Variants in SLC23A2 observed in about 807,000 individuals in gnomAD.
The protein encoded by SLC23A2 is Na(+)/L-ascorbic acid transporter 2.
SLC23A2 carries 36 observed loss-of-function variants against 73.3 expected under a neutral mutation model. The observed-to-expected ratio is 0.49, with a 90% CI of 0.38 to 0.65. The LOEUF is 0.65. Among genes scored for constraint, SLC23A2 ranks in the 30% least tolerant of loss-of-function variants. The pLI is 0.00. For missense variants in SLC23A2, 507 were observed against 841.6 expected (o/e 0.60, Z 4.92); for synonymous variants, 343 against 327.3 (o/e 1.05, Z -0.52).
rs371564157 is a variant in SLC23A2 at position 4,856,945 on chromosome 20, C to G, written c.*27G>C. 6.8e-7 allele frequency: 1 copy of G among 1,463,200 alleles called. No homozygotes were observed. Among genetic ancestry groups the G allele is most frequent in the Non-Finnish European group, 9.5e-7 (1 of 1,048,028 alleles). The allele number at this position is 1,463,200 out of a possible 1,614,324, so 90.6% of individuals were successfully genotyped here. ...GGAACTACAGATACATGCCTCACTGCGGCCAGGCCACAGGGCACAGCAAAG... is the reference window on the plus strand; with the variant it reads ...GGAACTACAGATACATGCCTCACTGGGGCCAGGCCACAGGGCACAGCAAAG... On this transcript the variant is annotated 3_prime_UTR_variant, in exon 17 of 17. Transcript: ENST00000338244. The surrounding 1 kb of genome is among the most constrained non-coding windows in gnomAD (Gnocchi z 4.6).
intron 1 of SLC23A2, among the ~76,000 whole-genome samples, chr20:4,974,089 T>A (rs2087607070): frequency 6.6e-6 from 1 of 152,170 alleles, no homozygotes; most frequent in African/African-American, 2.4e-5. Flanking sequence ...GCCAGTATCA[T>A]AACAGGCCAG....
At chr20:4,881,314 C>G (rs1930874083) in intron 9 of SLC23A2, among the ~76,000 whole-genome samples, 1 of 152,124 alleles carries the variant, frequency 6.6e-6, no homozygotes, top group African/African-American at 2.4e-5. Flanking sequence ...TTCCATGGAA[C>G]TATCCACCAT....
intron 2 of SLC23A2, among the ~76,000 whole-genome samples, chr20:4,937,550 G>C (rs2086979089): frequency 6.6e-6 from 1 of 152,064 alleles, no homozygotes; most frequent in South Asian, 2.1e-4. Context: ...AGTTATTTCT[G>C]GCCAGTAAGC....
chr20:4,904,017 C>T (rs1280816253), intron 4 of SLC23A2, among the ~76,000 whole-genome samples: 2 of 152,080 alleles, frequency 1.3e-5, no homozygotes, highest in Non-Finnish European at 2.9e-5. Flanking sequence ...TTTTTAGGCC[C>T]AGTGCAGTGG....
At chr20:4,923,710 CTATT>C (rs2122922214) in intron 3 of SLC23A2, among the ~76,000 whole-genome samples, 1 of 152,298 alleles carries the variant, frequency 6.6e-6, no homozygotes, top group Non-Finnish European at 1.5e-5. Flanking sequence ...TCCAAACTCT[CTATT>C]TAGGGATGTA....
intron 1 of SLC23A2, among the ~76,000 whole-genome samples, chr20:4,977,388 TA>T (rs2087659189): frequency 6.6e-6 from 1 of 152,028 alleles, no homozygotes; most frequent in Admixed American, 6.6e-5. Context: ...TATTTTTTTT[TA>T]ATAAAGACAA....
intron 9 of SLC23A2, among the ~76,000 whole-genome samples, chr20:4,875,666 G>A (rs370497502): frequency 6.6e-6 from 1 of 152,130 alleles, no homozygotes; most frequent in African/African-American, 2.4e-5. Flanking sequence ...CCATGACATC[G>A]GTCTGGTGTC....
At chr20:4,859,464 G>A in intron 15 of SLC23A2, 80 bp from the exon 16 acceptor site, 2 of 883,016 alleles carry the variant, frequency 2.3e-6, no homozygotes, top group Non-Finnish European at 3.9e-6. Flanking sequence ...GGGCAATGGT[G>A]TGGGCAGAAC....
chr20:4,957,224 G>A (rs1421538122), intron 2 of SLC23A2, among the ~76,000 whole-genome samples: 2 of 152,058 alleles, frequency 1.3e-5, no homozygotes, highest in Non-Finnish European at 2.9e-5. Flanking sequence ...GGGGGCTTGA[G>A]TCAGGAGGGT....
chr20:4,874,573 C>T lies in SLC23A2; in HGVS notation c.945+3G>A. On this transcript the variant is annotated splice_donor_region_variant and intron_variant, in intron 10 of 16. Coordinates refer to ENST00000338244, the MANE Select transcript of SLC23A2 (RefSeq NM_005116.6). ...TCAGCAGGGGAAGAAGTCAGCTACT[C>T]ACAGGGAACATTTTGAACAGCTGTA... 1 of 1,588,856 alleles carries T rather than the reference C, an allele frequency of 6.3e-7. No homozygotes were observed. The highest frequency in any genetic ancestry group is 8.6e-7 in the Non-Finnish European group (1 of 1,168,614).
At chr20:4,927,769 C>T (rs1181363789) in intron 3 of SLC23A2, among the ~76,000 whole-genome samples, 1 of 152,118 alleles carries the variant, frequency 6.6e-6, no homozygotes. Flanking sequence ...CTTCTATCAG[C>T]CTCACCTCTG....
intron 3 of SLC23A2, among the ~76,000 whole-genome samples, chr20:4,928,899 G>C (rs1932753912): frequency 6.6e-6 from 1 of 152,084 alleles, no homozygotes; most frequent in Non-Finnish European, 1.5e-5. Context: ...ATGTAACAGG[G>C]ATAGAGGGAA....
At chr20:4,974,483 T>TA (rs138456309) in intron 1 of SLC23A2, among the ~76,000 whole-genome samples, 6,744 of 151,572 alleles carry the variant, frequency 0.044, 385 homozygotes, top group South Asian at 0.14. Context: ...ATAAAAAAAA[T>TA]AATAATAATA....
chr20:4,983,096 A>G (rs955759046), intron 1 of SLC23A2, among the ~76,000 whole-genome samples: 1 of 151,324 alleles, frequency 6.6e-6, no homozygotes, highest in African/African-American at 2.4e-5. Flanking sequence ...CGAGAGTGAA[A>G]CTCCATCTCA....
At chr20:4,898,167 G>C (rs1931617720) in intron 6 of SLC23A2, among the ~76,000 whole-genome samples, 1 of 152,218 alleles carries the variant, frequency 6.6e-6, no homozygotes. Flanking sequence ...CTGCCCCCTG[G>C]GGGGTTTGAG....
At chr20:4,928,237 C>T (rs1383294621) in intron 3 of SLC23A2, among the ~76,000 whole-genome samples, 3 of 152,078 alleles carry the variant, frequency 2.0e-5, no homozygotes, top group African/African-American at 7.3e-5. Context: ...ATGAGGGTCT[C>T]GCTATGTTGC....
chr20:4,878,438 G>A (rs1461702170), intron 9 of SLC23A2, among the ~76,000 whole-genome samples: 1 of 152,096 alleles, frequency 6.6e-6, no homozygotes, highest in African/African-American at 2.4e-5. Flanking sequence ...TGCCCACCTT[G>A]GCCTCCTAAA....
At chr20:4,990,113 G>A (rs1205126330) in intron 1 of SLC23A2, among the ~76,000 whole-genome samples, 2 of 152,142 alleles carry the variant, frequency 1.3e-5, no homozygotes, top group Non-Finnish European at 2.9e-5. Context: ...AGATCCCCAA[G>A]TCACCACTTA....
chr20:4,931,628 T>C (rs968818620), intron 3 of SLC23A2, among the ~76,000 whole-genome samples: 21 of 151,850 alleles, frequency 1.4e-4, no homozygotes, highest in African/African-American at 5.1e-4. Context: ...TGTGGTAGAC[T>C]ACAGGCTGCA....
Sources: allele counts gnomAD v4.1 joint callset (sites outside exome capture counted in the v4.1 genomes callset), GRCh38; gene constraint gnomAD v4.1.1; non-coding constraint Gnocchi (gnomAD v3.1); transcripts MANE v1.5; gene names NCBI Gene and HGNC (gene_info 2026-07-23, HGNC 2026-07-21).